Variants in VDAC1 observed in about 807,000 individuals in gnomAD.
The protein encoded by VDAC1 is voltage dependent anion channel 1, also known as non-selective voltage-gated ion channel VDAC1.
A neutral mutation model predicts 34.7 loss-of-function variants in VDAC1; 10 were observed. That is an observed-to-expected ratio of 0.29 (90% CI 0.18 to 0.49). The LOEUF is 0.49. VDAC1 is among the 20% of genes least tolerant of loss of function. VDAC1 has a pLI of 0.99. For missense variants in VDAC1, 230 were observed against 347.9 expected (o/e 0.66, Z 2.69); for synonymous variants, 130 against 136.0 (o/e 0.96, Z 0.30).
the VDAC1 span, among the ~76,000 whole-genome samples, chr5:134,054,756 C>T: frequency 3.6e-3 from 555 of 152,284 alleles, 1 homozygote; most frequent in African/African-American, 0.013. Context: ...CCACCTCGCC[C>T]AACTGGACCA....
At chr5:134,065,908 T>C in the VDAC1 span, among the ~76,000 whole-genome samples, 5 of 150,350 alleles carry the variant, frequency 3.3e-5, no homozygotes, top group African/African-American at 4.9e-5. Context: ...ATTCTCCTGC[T>C]TCAGCCTCCC....
At chr5:134,046,537 A>G in the VDAC1 span, among the ~76,000 whole-genome samples, 2 of 152,198 alleles carry the variant, frequency 1.3e-5, no homozygotes, top group Admixed American at 6.5e-5. Flanking sequence ...TAAGGTAACA[A>G]CATATTCACA....
intron 3 of VDAC1, 86 bp downstream of exon 3, chr5:133,992,220 G>C (rs756561010): frequency 1.6e-5 from 17 of 1,057,326 alleles, no homozygotes; most frequent in Admixed American, 4.1e-5. Flanking sequence ...TGGGCGACAA[G>C]AGCAAAACTC....
the VDAC1 span, among the ~76,000 whole-genome samples, chr5:134,081,427 C>T: frequency 6.6e-6 from 1 of 152,218 alleles, no homozygotes; most frequent in African/African-American, 2.4e-5. Context: ...AATCTACCCA[C>T]CTCAGCCTCC....
At chr5:134,030,201 G>A in the VDAC1 span, among the ~76,000 whole-genome samples, 15 of 152,098 alleles carry the variant, frequency 9.9e-5, no homozygotes, top group East Asian at 2.7e-3. Flanking sequence ...TTAGCCGGGC[G>A]TGGTGGTGCT....
At chr5:134,104,842 C>A in the VDAC1 span, among the ~76,000 whole-genome samples, 8 of 152,358 alleles carry the variant, frequency 5.3e-5, no homozygotes, top group South Asian at 1.5e-3. Context: ...TATACTTTCA[C>A]CACTCACAAC....
the VDAC1 span, among the ~76,000 whole-genome samples, chr5:134,054,919 A>G: frequency 6.6e-6 from 1 of 152,208 alleles, no homozygotes; most frequent in African/African-American, 2.4e-5. Flanking sequence ...GCATTTGGGC[A>G]TCAGGTAGGC....
At chr5:134,015,529 T>C in the VDAC1 span, among the ~76,000 whole-genome samples, 1 of 152,190 alleles carries the variant, frequency 6.6e-6, no homozygotes, top group African/African-American at 2.4e-5. Context: ...CATTTTGTCA[T>C]AGCAGTCTGG....
At chr5:134,100,601 G>A in the VDAC1 span, among the ~76,000 whole-genome samples, 2 of 152,292 alleles carry the variant, frequency 1.3e-5, no homozygotes, top group East Asian at 3.9e-4. Context: ...AGCAAAACAA[G>A]GTACTTTCAC....
the VDAC1 span, among the ~76,000 whole-genome samples, chr5:134,019,928 A>T: frequency 5.9e-5 from 9 of 152,108 alleles, no homozygotes; most frequent in Non-Finnish European, 1.0e-4. Context: ...GCCAGGAACG[A>T]CTTTCTCTCT....
the VDAC1 span, among the ~76,000 whole-genome samples, chr5:134,099,375 G>T: frequency 6.6e-6 from 1 of 152,148 alleles, no homozygotes; most frequent in African/African-American, 2.4e-5. Flanking sequence ...GCCGTTTGGG[G>T]ATGCTAGAGG....
chr5:134,020,183 G>C, the VDAC1 span, among the ~76,000 whole-genome samples: 2 of 151,694 alleles, frequency 1.3e-5, no homozygotes, highest in African/African-American at 2.4e-5. Flanking sequence ...CCACTGTTTC[G>C]CCAAGCCACA....
the VDAC1 span, among the ~76,000 whole-genome samples, chr5:134,019,784 G>T: frequency 6.6e-6 from 1 of 152,102 alleles, no homozygotes; most frequent in East Asian, 1.9e-4. Flanking sequence ...CTGAGGCCTG[G>T]TATCAGACCA....
chr5:134,081,316 CG>C, the VDAC1 span, among the ~76,000 whole-genome samples: 1 of 151,814 alleles, frequency 6.6e-6, no homozygotes, highest in Non-Finnish European at 1.5e-5. Flanking sequence ...GGATTACAGG[CG>C]TGAGCCACCG....
the VDAC1 span, among the ~76,000 whole-genome samples, chr5:134,028,473 TG>T: frequency 6.6e-6 from 1 of 152,202 alleles, no homozygotes; most frequent in African/African-American, 2.4e-5. Flanking sequence ...TCTTCCATGT[TG>T]CTATGTAGGC....
chr5:134,105,007 G>A, the VDAC1 span, among the ~76,000 whole-genome samples: 3 of 152,204 alleles, frequency 2.0e-5, no homozygotes, highest in Non-Finnish European at 4.4e-5. Flanking sequence ...TGACGCCCCC[G>A]CCTTGGGACA....
At chr5:134,016,552 C>T in the VDAC1 span, among the ~76,000 whole-genome samples, 2 of 152,228 alleles carry the variant, frequency 1.3e-5, no homozygotes, top group Non-Finnish European at 2.9e-5. Context: ...GGAGCTGTCG[C>T]TTCCACTTGA....
chr5:134,026,323 G>A, the VDAC1 span, among the ~76,000 whole-genome samples: 616 of 152,128 alleles, frequency 4.0e-3, 3 homozygotes, highest in African/African-American at 0.014. Context: ...CTGGCTAACC[G>A]TCTAACACGG....
the VDAC1 span, among the ~76,000 whole-genome samples, chr5:134,066,402 T>A: frequency 1.2e-4 from 19 of 152,374 alleles, no homozygotes; most frequent in East Asian, 1.9e-3. Flanking sequence ...CAAATGAGCA[T>A]GTCTGTGTTT....
Sources: allele counts gnomAD v4.1 joint callset (sites outside exome capture counted in the v4.1 genomes callset), GRCh38; gene constraint gnomAD v4.1.1; transcripts MANE v1.5; gene names NCBI Gene and HGNC (gene_info 2026-07-23, HGNC 2026-07-21).